BRWD1: variants seen among roughly 807,000 people sequenced by gnomAD.
BRWD1 encodes bromodomain and WD repeat-containing protein 1.
Under a neutral mutation model 251.2 loss-of-function variants are expected in BRWD1, and 82 were observed. That is an observed-to-expected ratio of 0.33 (90% CI 0.27 to 0.39). BRWD1 has a LOEUF of 0.39. Among genes scored for constraint, BRWD1 ranks in the 10% least tolerant of loss-of-function variants. The probability of loss-of-function intolerance (pLI) is 1.00; values close to 1 mark genes in which losing one functional copy is unlikely to be tolerated. For missense variants in BRWD1, 2,233 were observed against 2,711.6 expected (o/e 0.82, Z 3.92); for synonymous variants, 918 against 902.8 (o/e 1.02, Z -0.30).
In BRWD1 at chr21:39,212,661, C is replaced by T; in HGVS notation, c.3900+5G>A. On this transcript the variant is annotated splice_donor_5th_base_variant and intron_variant, in intron 34 of 40. Transcript: ENST00000342449. ...TACAAAAGTCAACCATGCAGAGTAA[C>T]TTACTCTCCTCCTTCCAGAAGATGT... 1.2e-5 allele frequency: 19 copies of T among 1,560,364 alleles called. No homozygotes were observed. The highest frequency in any genetic ancestry group is 1.7e-5 in the Non-Finnish European group (19 of 1,136,874).
chr21:39,198,023 C>T (rs556903090), intron 40 of BRWD1, among the ~76,000 whole-genome samples: 11 of 152,276 alleles, frequency 7.2e-5, no homozygotes, highest in Admixed American at 3.9e-4. Context: ...TACAACTAAA[C>T]TGTTTACCAT....
At chr21:39,291,281 A>C (rs1459102847) in intron 8 of BRWD1, among the ~76,000 whole-genome samples, 1 of 152,236 alleles carries the variant, frequency 6.6e-6, no homozygotes, top group African/African-American at 2.4e-5. Flanking sequence ...GTGAATGTGC[A>C]TAAAAAAATT....
chr21:39,190,485 T>C lies in BRWD1; in HGVS notation c.*5774A>G. 2.0e-6 allele frequency: 2 copies of C among 985,372 alleles called. No homozygotes were observed. The highest frequency in any genetic ancestry group is 2.4e-6 in the Non-Finnish European group (2 of 829,894). 61.0% of individuals were successfully genotyped at this position (985,372 alleles called of 1,614,324 possible). On this transcript the variant is annotated 3_prime_UTR_variant, in exon 41 of 41. Coordinates refer to ENST00000342449, the MANE Select transcript of BRWD1 (RefSeq NM_033656.4). ...TGACATTATTGGTTGCTGTGGTTGG[T>C]GGATAAATCAAATCCACAAAGTGGG...
At chr21:39,281,144 GGTAAATGAATA>G (rs1157504748) in intron 8 of BRWD1, among the ~76,000 whole-genome samples, 2 of 152,132 alleles carry the variant, frequency 1.3e-5, no homozygotes, top group African/African-American at 2.4e-5. Flanking sequence ...GCGGCAATGG[GGTAAATGAATA>G]GAGAATCTGG....
At chr21:39,258,935 T>C (rs990928862) in intron 17 of BRWD1, among the ~76,000 whole-genome samples, 1 of 152,126 alleles carries the variant, frequency 6.6e-6, no homozygotes, top group Non-Finnish European at 1.5e-5. Context: ...CATGGAAACA[T>C]ATTTCTGTAA....
At chr21:39,255,127 G>A (rs1450076814) in intron 19 of BRWD1, among the ~76,000 whole-genome samples, 1 of 152,036 alleles carries the variant, frequency 6.6e-6, no homozygotes, top group African/African-American at 2.4e-5. Context: ...AAAAAAAGAC[G>A]GAGCCGGGCG....
chr21:39,307,080 C>G (rs1197271910), intron 4 of BRWD1, among the ~76,000 whole-genome samples: 2 of 152,178 alleles, frequency 1.3e-5, no homozygotes, highest in Non-Finnish European at 2.9e-5. Context: ...TCTTGAACTC[C>G]TGACCTCAGG....
chr21:39,291,824 A>G (rs2035816519), intron 8 of BRWD1, among the ~76,000 whole-genome samples: 1 of 152,148 alleles, frequency 6.6e-6, no homozygotes, highest in Non-Finnish European at 1.5e-5. Flanking sequence ...ACGTTCACCT[A>G]CCTGATGAGT....
intron 4 of BRWD1, among the ~76,000 whole-genome samples, chr21:39,300,062 A>G (rs555683294): frequency 1.4e-4 from 21 of 152,310 alleles, no homozygotes; most frequent in Non-Finnish European, 2.6e-4. Flanking sequence ...TGACCTCAGA[A>G]AAGAATAAGA....
At position 39,193,305 on chromosome 21, in the gene BRWD1, T is replaced by G; in HGVS notation, c.*2954A>C. ...TAAACTGAGAAATGATTTAATCAGATATTTGCCACTTACAAAAAGGGAGGC... is the reference window on the plus strand; with the variant it reads ...TAAACTGAGAAATGATTTAATCAGAGATTTGCCACTTACAAAAAGGGAGGC... On this transcript the variant is annotated 3_prime_UTR_variant, in exon 41 of 41. Coordinates refer to ENST00000342449, the MANE Select transcript of BRWD1 (RefSeq NM_033656.4). 1 of 985,182 alleles carries G rather than the reference T, an allele frequency of 1.0e-6. No homozygotes were observed. Among genetic ancestry groups the G allele is most frequent in the Non-Finnish European group, 1.2e-6 (1 of 829,730 alleles). 61.0% of individuals were successfully genotyped at this position (985,182 alleles called of 1,614,324 possible).
chr21:39,213,363 GC>G, intron 33 of BRWD1, 117 bp downstream of exon 33: 1 of 807,126 alleles, frequency 1.2e-6, no homozygotes, highest in Non-Finnish European at 2.0e-6. Context: ...TTTATCAAAT[GC>G]CCTATTTGTT....
intron 5 of BRWD1, chr21:39,297,502 T>A (rs1453433463): frequency 2.8e-6 from 2 of 715,446 alleles, no homozygotes; most frequent in African/African-American, 3.9e-5. Context: ...GAAAACAGGC[T>A]ACCAATTAAC....
At chr21:39,289,023 C>A (rs1184078798) in intron 8 of BRWD1, among the ~76,000 whole-genome samples, 1 of 152,226 alleles carries the variant, frequency 6.6e-6, no homozygotes, top group Non-Finnish European at 1.5e-5. Context: ...GGCTTAATTA[C>A]ACTGTTGTCA....
At chr21:39,219,045 T>C (rs898643051) in intron 29 of BRWD1, among the ~76,000 whole-genome samples, 2 of 20,396 alleles carry the variant, frequency 9.8e-5, no homozygotes, top group Non-Finnish European at 2.2e-4. Context: ...CAAGTCAAAA[T>C]GGATAAATAA....
chr21:39,256,267 C>G (rs969033115), intron 18 of BRWD1, among the ~76,000 whole-genome samples: 1 of 152,140 alleles, frequency 6.6e-6, no homozygotes, highest in African/African-American at 2.4e-5. Context: ...AAAAACTGTG[C>G]CTTCTTAAAA....
intron 6 of BRWD1, 62 bp from the exon 7 acceptor site, chr21:39,295,965 ACT>A: frequency 7.3e-7 from 1 of 1,371,168 alleles, no homozygotes; most frequent in South Asian, 1.8e-5. Context: ...TCTAAGAAAA[ACT>A]CAAATAACAA....
chr21:39,218,777 T>C (rs1318894946), intron 29 of BRWD1, 117 bp from the exon 30 acceptor site: 3 of 818,096 alleles, frequency 3.7e-6, no homozygotes, highest in Non-Finnish European at 5.2e-6. Flanking sequence ...CAGTCAAAAA[T>C]AGAGTTCAAA....
At chr21:39,230,282 T>C (rs1392435259) in intron 25 of BRWD1, among the ~76,000 whole-genome samples, 1 of 152,196 alleles carries the variant, frequency 6.6e-6, no homozygotes, top group East Asian at 1.9e-4. Flanking sequence ...ATAGTCAACC[T>C]TCCCCCCAGT....
intron 34 of BRWD1, among the ~76,000 whole-genome samples, chr21:39,211,837 A>C (rs1292924589): frequency 1.3e-5 from 2 of 152,168 alleles, no homozygotes; most frequent in Non-Finnish European, 1.5e-5. Context: ...ATTTCATAAA[A>C]AGCTTAAATT....
Sources: gnomAD v4.1 joint callset for allele counts (sites outside exome capture counted in the v4.1 genomes callset) on GRCh38, gnomAD v4.1.1 for gene constraint, MANE v1.5 for transcripts, NCBI Gene and HGNC (gene_info 2026-07-23, HGNC 2026-07-21) for gene names.